The following PTPRN2 variants were observed in gnomAD, a reference collection of about 807,000 sequenced individuals.
PTPRN2 encodes the protein protein tyrosine phosphatase receptor type N2, also known as receptor-type tyrosine-protein phosphatase N2.
A neutral mutation model predicts 118.8 loss-of-function variants in PTPRN2; 74 were observed. The ratio of observed to expected loss-of-function variants is 0.62; its 90% CI spans 0.52 to 0.76. PTPRN2 has a LOEUF of 0.76. Among genes scored for constraint, PTPRN2 ranks in the 30% least tolerant of loss-of-function variants. The pLI is 0.00. For missense variants in PTPRN2, 1,481 were observed against 1,394.4 expected (o/e 1.06, Z -0.99); for synonymous variants, 641 against 608.0 (o/e 1.05, Z -0.80).
At chr7:157,895,880 T>A (rs547914298) in intron 12 of PTPRN2, among the ~76,000 whole-genome samples, 1 of 152,258 alleles carries the variant, frequency 6.6e-6, no homozygotes, top group East Asian at 1.9e-4. Context: ...GGTCCTGGGA[T>A]GACCCCCATT....
At chr7:158,489,710 G>A (rs1235054619) in intron 2 of PTPRN2, 25 bp downstream of exon 2, 9 of 1,562,224 alleles carry the variant, frequency 5.8e-6, no homozygotes, top group South Asian at 3.5e-5. Context: ...AGACCAGGGC[G>A]CAGCAGCCAG....
chr7:158,436,422 A>C (rs993951890), intron 2 of PTPRN2, among the ~76,000 whole-genome samples: 41 of 135,914 alleles, frequency 3.0e-4, no homozygotes, highest in African/African-American at 1.1e-3. Context: ...CTGTTGATGG[A>C]GTCTCTCGAG....
intron 3 of PTPRN2, among the ~76,000 whole-genome samples, chr7:158,286,181 C>T (rs190584924): frequency 6.6e-6 from 1 of 152,242 alleles, no homozygotes; most frequent in East Asian, 1.9e-4. Context: ...TATAAAAATG[C>T]TCTTTATTTT....
In PTPRN2 at chr7:158,465,781, T is replaced by A. The variant is rs538990284; in HGVS notation, c.163+23954A>T. 1.2e-4 allele frequency among the ~76,000 whole-genome samples: 19 copies of A among 152,306 alleles called. No individual in the cohort carries two copies. The East Asian group carries it at 3.1e-3, about 25-fold the overall frequency. Reference sequence around the variant, plus strand: ...TGGGAAAAGCCAGCTACCTGCCACATGTGTGCTGGACTTGGGCTGGGCAAA... The same window carrying A: ...TGGGAAAAGCCAGCTACCTGCCACAAGTGTGCTGGACTTGGGCTGGGCAAA... On this transcript the variant is annotated intron_variant, in intron 2 of 22. Transcript: ENST00000389418.
intron 12 of PTPRN2, among the ~76,000 whole-genome samples, chr7:157,799,925 C>T (rs1053711533): frequency 6.7e-6 from 1 of 149,666 alleles, no homozygotes; most frequent in African/African-American, 2.5e-5. Flanking sequence ...CCACAGCCGG[C>T]CCCCTCCATC....
chr7:157,848,395 C>A (rs924753083), intron 12 of PTPRN2, among the ~76,000 whole-genome samples: 7 of 149,712 alleles, frequency 4.7e-5, no homozygotes, highest in Non-Finnish European at 1.0e-4. Flanking sequence ...ATCATATGTG[C>A]CCAATGTTTA....
At position 157,975,125 on chromosome 7, in the gene PTPRN2, G is replaced by A. The variant is rs552775242; in HGVS notation, c.1724-76388C>T. Reference sequence around the variant, plus strand: ...CACATTCTCCTCCTCCTGGGACCTCGATCTTGGCTTCCCCTAGGCCTTTCT... The same window carrying A: ...CACATTCTCCTCCTCCTGGGACCTCAATCTTGGCTTCCCCTAGGCCTTTCT... On this transcript the variant is annotated intron_variant, in intron 11 of 22. Transcript: ENST00000389418. Among the ~76,000 whole-genome samples the A allele has an allele frequency of 5.3e-5, 8 of 152,208 alleles. No homozygotes were observed. In the East Asian group the frequency reaches 5.8e-4, roughly 11 times the overall value.
chr7:158,190,755 G>GTCT (rs982877850), intron 5 of PTPRN2, among the ~76,000 whole-genome samples: 2 of 152,276 alleles, frequency 1.3e-5, no homozygotes, highest in African/African-American at 4.8e-5. Flanking sequence ...TGGCCTGTGG[G>GTCT]TCTGGCACCC....
intron 2 of PTPRN2, among the ~76,000 whole-genome samples, chr7:158,391,307 C>A (rs906460597): frequency 6.6e-6 from 1 of 152,194 alleles, no homozygotes. Context: ...GAAGCCCAGG[C>A]GCCACCCTCC....
At chr7:158,332,722 C>A (rs903988312) in intron 2 of PTPRN2, among the ~76,000 whole-genome samples, 1 of 151,458 alleles carries the variant, frequency 6.6e-6, no homozygotes, top group East Asian at 1.9e-4. Flanking sequence ...GTCACTTACA[C>A]CCACACTCTC....
chr7:158,340,355 G>T (rs1302070666), intron 2 of PTPRN2, among the ~76,000 whole-genome samples: 1 of 74,912 alleles, frequency 1.3e-5, no homozygotes, highest in Non-Finnish European at 2.7e-5. Flanking sequence ...TAAGAGCTGA[G>T]GCCCACAGAG....
chr7:157,565,149 G>T (rs188991081), intron 21 of PTPRN2, among the ~76,000 whole-genome samples: 182 of 152,326 alleles, frequency 1.2e-3, no homozygotes, highest in African/African-American at 4.3e-3. Context: ...CATCCCCGTA[G>T]GCAAGGAGAT....
At chr7:157,707,469 G>A (rs947446242) in intron 12 of PTPRN2, among the ~76,000 whole-genome samples, 66 of 152,204 alleles carry the variant, frequency 4.3e-4, no homozygotes, top group African/African-American at 1.6e-3. Context: ...ATACGTGCCC[G>A]CTAAGTACCC....
intron 12 of PTPRN2, among the ~76,000 whole-genome samples, chr7:157,732,902 T>C (rs374575988): frequency 1.1e-3 from 8 of 7,270 alleles, no homozygotes; most frequent in East Asian, 0.019. Flanking sequence ...TCCCGTCCCA[T>C]GCGCCCAGCA....
chr7:157,545,447 G>A (rs1315013534), intron 22 of PTPRN2, among the ~76,000 whole-genome samples: 5 of 151,074 alleles, frequency 3.3e-5, no homozygotes, highest in African/African-American at 1.2e-4. Context: ...GTGTGTGCAG[G>A]TGTGTGGGTG....
intron 11 of PTPRN2, among the ~76,000 whole-genome samples, chr7:157,954,685 C>T (rs1801072805): frequency 2.6e-5 from 4 of 152,116 alleles, no homozygotes; most frequent in Admixed American, 2.6e-4. Flanking sequence ...CTCCAGACCC[C>T]AGAGCGAGGC....
intron 12 of PTPRN2, among the ~76,000 whole-genome samples, chr7:157,688,375 TA>T (rs1585240677): frequency 6.6e-6 from 1 of 152,214 alleles, no homozygotes; most frequent in Non-Finnish European, 1.5e-5. Flanking sequence ...TTGTGCAAAC[TA>T]ATTCTAACCA....
intron 12 of PTPRN2, chr7:157,739,510 T>C (rs1800499690): frequency 6.6e-6 from 1 of 152,068 alleles, no homozygotes; most frequent in Admixed American, 6.5e-5. Context: ...AGCAAGAAAT[T>C]GAGGGTAGTA....
intron 2 of PTPRN2, among the ~76,000 whole-genome samples, chr7:158,341,409 C>T (rs375705549): frequency 1.6e-4 from 23 of 143,632 alleles, no homozygotes; most frequent in East Asian, 6.6e-4. Flanking sequence ...AGCTGTCGCC[C>T]GCAGAGGTCA....
Sources: gnomAD v4.1 joint callset for allele counts (sites outside exome capture counted in the v4.1 genomes callset) on GRCh38, gnomAD v4.1.1 for gene constraint, MANE v1.5 for transcripts, NCBI Gene and HGNC (gene_info 2026-07-23, HGNC 2026-07-21) for gene names.